The following MFSD8 variants were observed in gnomAD, a reference collection of about 807,000 sequenced individuals.
MFSD8 encodes the protein major facilitator superfamily domain containing 8, also known as major facilitator superfamily domain-containing protein 8.
In MFSD8, 55 loss-of-function variants were observed where a neutral mutation model predicts 66.4. The ratio of observed to expected loss-of-function variants is 0.83; its 90% CI spans 0.67 to 1.04. The LOEUF (loss-of-function observed/expected upper bound fraction) is 1.04. MFSD8 is among the 50% of genes least tolerant of loss of function. The probability of loss-of-function intolerance (pLI) is 0.00; values close to 1 mark genes in which losing one functional copy is unlikely to be tolerated. For synonymous variants in MFSD8, 202 were observed against 212.8 expected (o/e 0.95, Z 0.44); for missense variants, 550 against 627.6 (o/e 0.88, Z 1.32).
At chr4:127,958,047 C>A (rs907056729) in intron 1 of MFSD8, among the ~76,000 whole-genome samples, 1 of 152,170 alleles carries the variant, frequency 6.6e-6, no homozygotes, top group Non-Finnish European at 1.5e-5. Context: ...GCAGGAAGCT[C>A]TTTTGGCTTC....
intron 1 of MFSD8, among the ~76,000 whole-genome samples, chr4:127,961,820 CAAAAAAA>C (rs4000711): frequency 3.7e-5 from 3 of 80,570 alleles, no homozygotes; most frequent in African/African-American, 5.8e-5. Context: ...GACTCCGTCT[CAAAAAAA>C]AAAAAAAAAA....
chr4:127,927,866 G>A (rs1245571268), intron 9 of MFSD8, among the ~76,000 whole-genome samples: 1 of 151,788 alleles, frequency 6.6e-6, no homozygotes, highest in African/African-American at 2.4e-5. Flanking sequence ...GTGTTTGTGT[G>A]TGTGTCTGTG....
chr4:127,959,529 G>T (rs1560778962), intron 1 of MFSD8, among the ~76,000 whole-genome samples: 1 of 152,136 alleles, frequency 6.6e-6, no homozygotes, highest in Non-Finnish European at 1.5e-5. Context: ...TTGCGTAAAA[G>T]AATTTCTTTG....
chr4:127,918,600 C>T lies in MFSD8; in HGVS notation c.*2030G>A, dbSNP rs1461077751. 1 of 152,122 alleles carries T rather than the reference C, an allele frequency of 6.6e-6. No individual in the cohort carries two copies. The highest frequency in any genetic ancestry group is 2.4e-5 in the African/African-American group (1 of 41,434). The allele number at this position is 152,122 out of a possible 1,614,324, so 9.4% of individuals were successfully genotyped here. A position where few individuals can be genotyped will look rare whatever the true frequency, so the allele number is the denominator to read the frequency against. ...GACTCACTGGTATAGTTAAATTACC[C>T]TACAATTAGTGATTAATTGAAACTG... On this transcript the variant is annotated 3_prime_UTR_variant, in exon 12 of 12. Transcript: ENST00000641686.
Position 127,933,016 on chromosome 4 carries a change from C to CA in MFSD8, c.831dup (p.Val278CysfsTer10), listed in dbSNP as rs775699005. The CA allele has an allele frequency of 3.7e-6, 6 of 1,613,438 alleles. No homozygotes were observed. The highest frequency in any genetic ancestry group is 5.1e-6 in the Non-Finnish European group (6 of 1,179,772). ...AAAAGGGCAAAGATAAATAGAGTCA[C>CA]AAAAAACAGAACATTGATGGCCACA... On this transcript the variant is annotated frameshift_variant, in exon 8 of 12. Transcript: ENST00000641686. LOFTEE classifies it high-confidence loss of function.
chr4:127,944,143 T>G, intron 3 of MFSD8, 151 bp from the exon 4 acceptor site: 3 of 1,073,078 alleles, frequency 2.8e-6, no homozygotes. Context: ...AGTAAGGGAT[T>G]CAAACTTCTG....
chr4:127,957,660 T>A, intron 1 of MFSD8, 68 bp from the exon 2 acceptor site: 1 of 1,039,116 alleles, frequency 9.6e-7, no homozygotes, highest in South Asian at 1.3e-5. Context: ...GTGTCAACAG[T>A]TTTATTCTCT....
chr4:127,931,903 G>A (rs1378835158), intron 8 of MFSD8, among the ~76,000 whole-genome samples: 3 of 152,164 alleles, frequency 2.0e-5, no homozygotes, highest in Non-Finnish European at 4.4e-5. Flanking sequence ...GAGCCCAGGA[G>A]TTCGAGATCA....
chr4:127,932,953 T>A, intron 8 of MFSD8, 32 bp downstream of exon 8: 1 of 1,540,944 alleles, frequency 6.5e-7, no homozygotes, highest in Non-Finnish European at 9.0e-7. Flanking sequence ...TAAAACATAA[T>A]CTGATTCAGA....
At chr4:127,963,232 G>A (rs1744093763) in intron 1 of MFSD8, among the ~76,000 whole-genome samples, 1 of 152,170 alleles carries the variant, frequency 6.6e-6, no homozygotes. Flanking sequence ...CTATCAAGAG[G>A]TTGTCAGGCA....
At position 127,921,791 on chromosome 4, in the gene MFSD8, G is replaced by T. The variant is rs773699785; in HGVS notation, c.1103-20C>A. On this transcript the variant is annotated intron_variant, in intron 10 of 11. Transcript: ENST00000641686. ...GCAAATCTGTAAAAACAAAACCATT[G>T]CAGTGCATTACTTGTTGATTTTAGA... 22 of 1,613,812 alleles carry T rather than the reference G, an allele frequency of 1.4e-5. No individual in the cohort carries two copies. Among genetic ancestry groups the T allele is most frequent in the Non-Finnish European group, 1.8e-5 (21 of 1,179,858 alleles).
At position 127,921,848 on chromosome 4, in the gene MFSD8, G is replaced by A; in HGVS notation, c.1102+12C>T. On this transcript the variant is annotated intron_variant, in intron 10 of 11. Coordinates refer to ENST00000641686, the MANE Select transcript of MFSD8 (RefSeq NM_001371596.2). ...ACAGAGGTTAACATTATAGAATTAT[G>A]TATGGCTATACCTTCCCACTGTATT... The A allele has an allele frequency of 6.2e-7, 1 of 1,613,576 alleles. No individual in the cohort carries two copies. Among genetic ancestry groups the A allele is most frequent in the South Asian group, 1.1e-5 (1 of 91,064 alleles).
At chr4:127,963,651 T>C (rs886509439) in intron 1 of MFSD8, among the ~76,000 whole-genome samples, 1 of 151,866 alleles carries the variant, frequency 6.6e-6, no homozygotes. Flanking sequence ...GCTTCAGGAG[T>C]GAAACTGCAG....
intron 9 of MFSD8, among the ~76,000 whole-genome samples, chr4:127,924,903 A>C (rs1736941149): frequency 6.6e-6 from 1 of 152,158 alleles, no homozygotes; most frequent in Non-Finnish European, 1.5e-5. Context: ...TATATAGACC[A>C]ATGGAACAGA....
intron 1 of MFSD8, among the ~76,000 whole-genome samples, chr4:127,964,190 C>G (rs1012282624): frequency 1.3e-5 from 2 of 152,262 alleles, no homozygotes; most frequent in Non-Finnish European, 2.9e-5. Context: ...GGATCCCGCA[C>G]CGGGGCTGCA....
chr4:127,927,043 T>C (rs1413587933), intron 9 of MFSD8, among the ~76,000 whole-genome samples: 1 of 152,226 alleles, frequency 6.6e-6, no homozygotes, highest in East Asian at 1.9e-4. Context: ...ACATGAGATA[T>C]CCAACACTTT....
chr4:127,937,487 C>G (rs2148897111), intron 7 of MFSD8, among the ~76,000 whole-genome samples: 1 of 152,328 alleles, frequency 6.6e-6, no homozygotes, highest in Non-Finnish European at 1.5e-5. Flanking sequence ...CACTGCCCTA[C>G]TTCAGGCCTA....
At chr4:127,961,738 G>A (rs181418503) in intron 1 of MFSD8, among the ~76,000 whole-genome samples, 1,648 of 149,126 alleles carry the variant, frequency 0.011, 14 homozygotes, top group Non-Finnish European at 0.019. Context: ...GAAGAATGGC[G>A]TGAACCCGGG....
At chr4:127,960,550 G>A (rs1397903329) in intron 1 of MFSD8, among the ~76,000 whole-genome samples, 2 of 151,158 alleles carry the variant, frequency 1.3e-5, no homozygotes, top group African/African-American at 2.4e-5. Flanking sequence ...ATAAATAAGA[G>A]AGAGAAAAGA....
Sources: allele counts gnomAD v4.1 joint callset (sites outside exome capture counted in the v4.1 genomes callset), GRCh38; gene constraint gnomAD v4.1.1; transcripts MANE v1.5; gene names NCBI Gene and HGNC (gene_info 2026-07-23, HGNC 2026-07-21).